CTIF: variants seen among roughly 807,000 people sequenced by gnomAD.
CTIF encodes the protein cap binding complex dependent translation initiation factor.
In CTIF, 21 loss-of-function variants were observed where a neutral mutation model predicts 66.0. That is an observed-to-expected ratio of 0.32 (90% confidence interval 0.23 to 0.46). CTIF has a LOEUF of 0.46. Among genes scored for constraint, CTIF ranks in the 20% least tolerant of loss-of-function variants. The pLI is 1.00. For synonymous variants in CTIF, 345 were observed against 326.4 expected (o/e 1.06, Z -0.62); for missense variants, 739 against 812.7 (o/e 0.91, Z 1.10).
chr18:48,832,611 C>T (rs192020651), intron 10 of CTIF, among the ~76,000 whole-genome samples: 13 of 152,224 alleles, frequency 8.5e-5, no homozygotes, highest in African/African-American at 2.6e-4. Flanking sequence ...AAATCGTGGC[C>T]GAGTGTGTGG....
chr18:48,688,079 A>C (rs530694341), intron 6 of CTIF, among the ~76,000 whole-genome samples: 11 of 152,368 alleles, frequency 7.2e-5, no homozygotes, highest in African/African-American at 2.4e-4. Context: ...CCCTTAAGGA[A>C]AGTCAAGACA....
At chr18:48,731,508 C>A (rs1299983909) in intron 7 of CTIF, among the ~76,000 whole-genome samples, 2 of 152,238 alleles carry the variant, frequency 1.3e-5, no homozygotes, top group African/African-American at 4.8e-5. Flanking sequence ...TGGAGAACTG[C>A]ACAAACCACA....
At chr18:48,753,468 A>C (rs1167838349) in intron 7 of CTIF, among the ~76,000 whole-genome samples, 2 of 152,340 alleles carry the variant, frequency 1.3e-5, no homozygotes, top group East Asian at 3.9e-4. Context: ...TGGTGTTCCG[A>C]GAACATTTTT....
chr18:48,639,192 G>A (rs1465316257), intron 3 of CTIF, among the ~76,000 whole-genome samples: 3 of 152,256 alleles, frequency 2.0e-5, no homozygotes, highest in East Asian at 1.9e-4. Flanking sequence ...TGAGTCTGGC[G>A]TGGGATGCAC....
chr18:48,755,880 A>G (rs1000014004), intron 7 of CTIF: 2 of 152,192 alleles, frequency 1.3e-5, no homozygotes, highest in Non-Finnish European at 2.9e-5. Flanking sequence ...ATAAAAAGAA[A>G]CCTAAGAAGA....
At chr18:48,651,224 A>C (rs1384287771) in intron 3 of CTIF, among the ~76,000 whole-genome samples, 1 of 152,220 alleles carries the variant, frequency 6.6e-6, no homozygotes, top group African/African-American at 2.4e-5. Flanking sequence ...GTCAAAACCC[A>C]TCAGTGTGCT....
chr18:48,796,968 C>T (rs1568226759), intron 9 of CTIF, among the ~76,000 whole-genome samples: 1 of 152,138 alleles, frequency 6.6e-6, no homozygotes, highest in Non-Finnish European at 1.5e-5. Context: ...CAGGTGCCCA[C>T]CCCAGAGCAA....
chr18:48,831,566 G>A (rs182001029), intron 10 of CTIF, among the ~76,000 whole-genome samples: 101 of 152,284 alleles, frequency 6.6e-4, no homozygotes, highest in African/African-American at 2.2e-3. Flanking sequence ...GAGTGGGTGG[G>A]AAAGGACACC....
At chr18:48,800,038 C>A (rs2068016884) in intron 9 of CTIF, among the ~76,000 whole-genome samples, 1 of 152,236 alleles carries the variant, frequency 6.6e-6, no homozygotes, top group African/African-American at 2.4e-5. Flanking sequence ...AACAAGTAGA[C>A]CGAGACTTGA....
At chr18:48,682,165 G>A (rs996781222) in intron 6 of CTIF, among the ~76,000 whole-genome samples, 28 of 152,132 alleles carry the variant, frequency 1.8e-4, no homozygotes, top group South Asian at 4.1e-4. Context: ...TTTCCAATGC[G>A]TTAGTTTATT....
intron 6 of CTIF, among the ~76,000 whole-genome samples, chr18:48,709,337 A>C (rs1292193839): frequency 1.3e-5 from 2 of 152,266 alleles, no homozygotes; most frequent in Non-Finnish European, 2.9e-5. Flanking sequence ...CAGTGGCTTC[A>C]TGAGAAGCCC....
intron 2 of CTIF, among the ~76,000 whole-genome samples, chr18:48,626,653 T>TG (rs2090607173): frequency 1.5e-5 from 2 of 130,656 alleles, no homozygotes; most frequent in African/African-American, 6.7e-5. Flanking sequence ...CCGTTTTTTT[T>TG]TTGTTTTTTT....
At chr18:48,552,285 C>T (rs1369873406) in intron 1 of CTIF, among the ~76,000 whole-genome samples, 1 of 152,226 alleles carries the variant, frequency 6.6e-6, no homozygotes, top group Non-Finnish European at 1.5e-5. Context: ...GCATACCAGG[C>T]TTGCCAGTGA....
At chr18:48,627,770 G>T (rs373941033) in intron 2 of CTIF, among the ~76,000 whole-genome samples, 1 of 134,870 alleles carries the variant, frequency 7.4e-6, no homozygotes, top group Admixed American at 7.1e-5. Flanking sequence ...AGACAGGGTT[G>T]GGGGGGAGGG....
intron 3 of CTIF, among the ~76,000 whole-genome samples, chr18:48,659,617 G>A (rs1032681180): frequency 1.3e-5 from 2 of 152,190 alleles, no homozygotes; most frequent in Admixed American, 6.5e-5. Context: ...CAGTCATCAC[G>A]GGGGAGGGAA....
chr18:48,813,962 C>T (rs1225309246), intron 9 of CTIF, among the ~76,000 whole-genome samples: 1 of 152,194 alleles, frequency 6.6e-6, no homozygotes, highest in African/African-American at 2.4e-5. Context: ...CTGACAGATA[C>T]TGTCTACCAG....
At chr18:48,543,277 T>G (rs979437941) in intron 1 of CTIF, among the ~76,000 whole-genome samples, 1 of 152,110 alleles carries the variant, frequency 6.6e-6, no homozygotes, top group Non-Finnish European at 1.5e-5. Flanking sequence ...GCAGGCAAAT[T>G]GCAGTTTCTG....
intron 5 of CTIF, among the ~76,000 whole-genome samples, chr18:48,665,221 G>A (rs967710045): frequency 6.6e-6 from 1 of 152,238 alleles, no homozygotes; most frequent in Admixed American, 6.5e-5. Flanking sequence ...GCCTGAGGCT[G>A]TGTGTTTCTA....
intron 1 of CTIF, among the ~76,000 whole-genome samples, chr18:48,611,692 T>A (rs1424171850): frequency 6.6e-6 from 1 of 152,232 alleles, no homozygotes; most frequent in African/African-American, 2.4e-5. Context: ...ATTGTCGTAC[T>A]CATTAAAGTT....
Sources: gnomAD v4.1 joint callset for allele counts (sites outside exome capture counted in the v4.1 genomes callset) on GRCh38, gnomAD v4.1.1 for gene constraint, MANE v1.5 for transcripts, NCBI Gene and HGNC (gene_info 2026-07-23, HGNC 2026-07-21) for gene names.